The following LRRC72 variants were observed in gnomAD, a reference collection of about 807,000 sequenced individuals.
LRRC72 encodes the protein leucine rich repeat containing 72, also known as leucine-rich repeat-containing protein 72.
LRRC72 carries 41 observed loss-of-function variants against 35.8 expected under a neutral mutation model. The observed-to-expected ratio is 1.15, with a 90% CI of 0.89 to 1.49. The LOEUF is 1.49. Among genes scored for constraint, LRRC72 ranks in the 40% most tolerant of loss-of-function variants. LRRC72 has a pLI of 0.00. For synonymous variants in LRRC72, 118 were observed against 119.2 expected (o/e 0.99, Z 0.07); for missense variants, 389 against 330.7 (o/e 1.18, Z -1.37).
chr7:16,538,486 T>C (rs1782302169), intron 3 of LRRC72, among the ~76,000 whole-genome samples: 1 of 152,214 alleles, frequency 6.6e-6, no homozygotes, highest in Non-Finnish European at 1.5e-5. Flanking sequence ...GAGGGTCTTT[T>C]GGCCTTGGCA....
intron 1 of LRRC72, among the ~76,000 whole-genome samples, chr7:16,528,791 A>G (rs1283355836): frequency 1.3e-5 from 2 of 152,210 alleles, no homozygotes; most frequent in African/African-American, 4.8e-5. Flanking sequence ...CTATTGCCCC[A>G]GAAGTGAGCA....
chr7:16,581,341 C>A lies in LRRC72; in HGVS notation c.716C>A (p.Pro239Gln). 6.6e-7 allele frequency: 1 copy of A among 1,521,384 alleles called. No homozygotes were observed. Among genetic ancestry groups the A allele is most frequent in the South Asian group, 1.3e-5 (1 of 77,086 alleles). The allele number at this position is 1,521,384 out of a possible 1,614,324, so 94.2% of individuals were successfully genotyped here. Residue 239 changes from proline (P) to glutamine (Q), a missense_variant, in exon 9 of 9, where the codon CCA (proline) becomes CAA (glutamine). By Grantham distance (76) the Pro-to-Gln change is moderately conservative. Transcript: ENST00000401542. ...NNVDKTVLDD[P>Q]EDAVFVRSMK... is the part of the protein sequence containing the mutation. ...TTTTGCAGAACTGTGCTTGATGACC[C>A]AGAAGATGCTGTTTTTGTGAGGTCC...
At chr7:16,531,043 T>G (rs472995) in intron 1 of LRRC72, among the ~76,000 whole-genome samples, 5,419 of 151,886 alleles carry the variant, frequency 0.036, 304 homozygotes, top group African/African-American at 0.12. Flanking sequence ...CAAAAAATTA[T>G]TCAGGTGTGG....
At chr7:16,574,306 C>A (rs1244546265) in intron 7 of LRRC72, among the ~76,000 whole-genome samples, 7 of 152,174 alleles carry the variant, frequency 4.6e-5, no homozygotes, top group African/African-American at 4.8e-5. Context: ...TGGGTATATA[C>A]CCAAAGGATT....
intron 3 of LRRC72, among the ~76,000 whole-genome samples, chr7:16,545,192 G>C (rs1366745048): frequency 6.6e-6 from 1 of 152,108 alleles, no homozygotes; most frequent in Non-Finnish European, 1.5e-5. Context: ...TAAAAATAAA[G>C]AGTAAATGTT....
chr7:16,543,511 C>G (rs1248469729), intron 3 of LRRC72, among the ~76,000 whole-genome samples: 2 of 152,154 alleles, frequency 1.3e-5, no homozygotes, highest in Non-Finnish European at 2.9e-5. Flanking sequence ...TTTCCTTCTT[C>G]CTGTCCAACA....
At chr7:16,561,631 C>A (rs1243882088) in intron 5 of LRRC72, among the ~76,000 whole-genome samples, 1 of 152,186 alleles carries the variant, frequency 6.6e-6, no homozygotes, top group African/African-American at 2.4e-5. Flanking sequence ...ATAACTATAA[C>A]TTTCCAGTTG....
rs901550696 is a variant in LRRC72, at chr7:16,571,976, T to G, written c.670+4433T>G. 2.6e-4 allele frequency among the ~76,000 whole-genome samples: 39 copies of G among 152,278 alleles called. 1 individual carries two copies. Among genetic ancestry groups the G allele is most frequent in the Non-Finnish European group, 4.4e-4 (30 of 68,016 alleles). ...AATTCTCCTTGCCAGCACAACAGTC[T>G]GAAGTCGACCTGGGTCGCCCGAGCT... is the stretch of plus-strand genomic sequence containing the variant. On this transcript the variant is annotated intron_variant, in intron 7 of 8. Transcript: ENST00000401542.
chr7:16,573,730 G>A (rs1202471714), intron 7 of LRRC72, among the ~76,000 whole-genome samples: 1 of 152,152 alleles, frequency 6.6e-6, no homozygotes, highest in Admixed American at 6.5e-5. Context: ...TACCATTCAG[G>A]ACATAGGCAT....
At chr7:16,571,576 C>G (rs116695907) in intron 7 of LRRC72, among the ~76,000 whole-genome samples, 2 of 152,170 alleles carry the variant, frequency 1.3e-5, no homozygotes. Flanking sequence ...TCGCCTCACC[C>G]GGGAAGTGCA....
At chr7:16,568,719 C>A (rs2128338399) in intron 7 of LRRC72, among the ~76,000 whole-genome samples, 1 of 152,194 alleles carries the variant, frequency 6.6e-6, no homozygotes, top group Middle Eastern at 3.4e-3. Flanking sequence ...ATAACAACAA[C>A]AACAACAACA....
intron 2 of LRRC72, among the ~76,000 whole-genome samples, chr7:16,533,082 G>A (rs1782196345): frequency 6.6e-6 from 1 of 152,100 alleles, no homozygotes; most frequent in Non-Finnish European, 1.5e-5. Context: ...AGGTGAGTTA[G>A]TAAAAGTTAG....
At chr7:16,538,568 C>T (rs1418361277) in intron 3 of LRRC72, among the ~76,000 whole-genome samples, 1 of 152,218 alleles carries the variant, frequency 6.6e-6, no homozygotes, top group Admixed American at 6.5e-5. Flanking sequence ...ACTCACATAT[C>T]TTTGTCCTGC....
intron 3 of LRRC72, among the ~76,000 whole-genome samples, chr7:16,538,543 G>A (rs1002489750): frequency 7.2e-5 from 11 of 152,156 alleles, no homozygotes; most frequent in African/African-American, 2.7e-4. Flanking sequence ...CCAGGTCAAC[G>A]TACCTAGTCC....
intron 7 of LRRC72, among the ~76,000 whole-genome samples, chr7:16,571,213 T>C (rs531817607): frequency 2.2e-4 from 34 of 152,144 alleles, no homozygotes; most frequent in Non-Finnish European, 4.1e-4. Context: ...GTCAATCATC[T>C]GAATGACCCT....
In LRRC72 at chr7:16,581,488, A is replaced by G; in HGVS notation, c.863A>G (p.Ter288=). ...TAQMLTVTLR[*] is the part of the protein sequence containing the mutation. ...CAAATGCTCACAGTTACACTGAGAT[A>G]AGCCCTGGTATTTCTAGATATCTTA... Residue 288 remains the stop codon, a stop_retained_variant, in exon 9 of 9, where the codon TAA becomes TGA. Transcript: ENST00000401542. The G allele has an allele frequency of 1.3e-6, 2 of 1,539,258 alleles. No individual in the cohort carries two copies. Among genetic ancestry groups the G allele is most frequent in the Non-Finnish European group, 1.8e-6 (2 of 1,142,464 alleles).
At chr7:16,542,495 G>C (rs1451541585) in intron 3 of LRRC72, among the ~76,000 whole-genome samples, 1 of 152,202 alleles carries the variant, frequency 6.6e-6, no homozygotes, top group Non-Finnish European at 1.5e-5. Flanking sequence ...ATGGGCCCAA[G>C]GTGGTCCAGG....
intron 5 of LRRC72, among the ~76,000 whole-genome samples, chr7:16,565,299 G>T (rs1277317404): frequency 6.6e-6 from 1 of 152,114 alleles, no homozygotes; most frequent in Non-Finnish European, 1.5e-5. Context: ...CAAGCGTGGT[G>T]GCAGGCGCCT....
At chr7:16,580,809 A>G (rs1783130101) in intron 8 of LRRC72, among the ~76,000 whole-genome samples, 1 of 152,150 alleles carries the variant, frequency 6.6e-6, no homozygotes, top group Non-Finnish European at 1.5e-5. Context: ...CAAGCACCTC[A>G]CTAATACTAT....
Sources: gnomAD v4.1 joint callset for allele counts (sites outside exome capture counted in the v4.1 genomes callset) on GRCh38, gnomAD v4.1.1 for gene constraint, MANE v1.5 for transcripts, NCBI Gene and HGNC (gene_info 2026-07-23, HGNC 2026-07-21) for gene names.